FAH: variants seen among roughly 807,000 people sequenced by gnomAD.
FAH encodes fumarylacetoacetase.
In FAH, 47 loss-of-function variants were observed where a neutral mutation model predicts 55.8. The ratio of observed to expected loss-of-function variants is 0.84; its 90% CI spans 0.67 to 1.07. FAH has a LOEUF of 1.07. Among genes scored for constraint, FAH ranks in the 50% least tolerant of loss-of-function variants. The pLI, the probability that FAH is intolerant of heterozygous loss-of-function variation, is 0.00. For synonymous variants in FAH, 199 were observed against 207.7 expected (o/e 0.96, Z 0.36); for missense variants, 495 against 545.9 (o/e 0.91, Z 0.93).
intron 5 of FAH, among the ~76,000 whole-genome samples, chr15:80,167,497 A>G (rs1178036910): frequency 6.7e-6 from 1 of 150,342 alleles, no homozygotes; most frequent in African/African-American, 2.4e-5. Flanking sequence ...GATTACATGT[A>G]TAAAGACTCT....
At chr15:80,158,726 G>A (rs995132631) in intron 2 of FAH, among the ~76,000 whole-genome samples, 7 of 152,068 alleles carry the variant, frequency 4.6e-5, no homozygotes, top group Admixed American at 2.0e-4. Context: ...CAGGAGCTTC[G>A]CACACATCCT....
chr15:80,185,577 A>G (rs1454241043), intron 13 of FAH, among the ~76,000 whole-genome samples: 1 of 152,238 alleles, frequency 6.6e-6, no homozygotes, highest in Non-Finnish European at 1.5e-5. Flanking sequence ...GAGAGGTTTA[A>G]TGGACTCACA....
chr15:80,174,935 G>T lies in FAH; in HGVS notation c.838-81G>T. The T allele has an allele frequency of 3.5e-6, 4 of 1,135,740 alleles. No homozygotes were observed. In the Admixed American group the frequency reaches 6.7e-5, roughly 19 times the overall value. The allele number at this position is 1,135,740 out of a possible 1,614,324, so 70.4% of individuals were successfully genotyped here. On this transcript the variant is annotated intron_variant, in intron 9 of 13. Transcript: ENST00000561421. ...TGCCTAGGGGAGCAGGTGCTGCTGG[G>T]GGCCTGGCTGGTATGGGGGCCCAGC...
chr15:80,174,425 T>G (rs747406912), intron 9 of FAH, among the ~76,000 whole-genome samples: 2 of 152,238 alleles, frequency 1.3e-5, no homozygotes, highest in Non-Finnish European at 2.9e-5. Context: ...GGGAACTTTA[T>G]ATTCCTACTG....
intron 5 of FAH, chr15:80,163,422 T>C (rs2041166276): frequency 6.6e-6 from 1 of 152,284 alleles, no homozygotes; most frequent in African/African-American, 2.4e-5. Context: ...AAGAGCTGGC[T>C]GTCACCTGTG....
chr15:80,179,116 A>G (rs1333231284), intron 11 of FAH, among the ~76,000 whole-genome samples: 1 of 152,180 alleles, frequency 6.6e-6, no homozygotes. Flanking sequence ...AAGTGGTTAT[A>G]CCAGTATATA....
Position 80,177,372 on chromosome 15 carries a change from C to T in FAH, c.914-165C>T, listed in dbSNP as rs541710766. 8.7e-6 allele frequency: 6 copies of T among 687,300 alleles called. No individual in the cohort carries two copies. In the South Asian group the frequency reaches 9.8e-5, roughly 11 times the overall value. 42.6% of individuals were successfully genotyped at this position (687,300 alleles called of 1,614,324 possible). ...GACTTGTGTGCATGTATTGGCCAAC[C>T]CTGGACCTCCCAGCTCTGATGTCCT... On this transcript the variant is annotated intron_variant, in intron 10 of 13. Coordinates refer to ENST00000561421, the MANE Select transcript of FAH (RefSeq NM_000137.4).
At chr15:80,185,632 A>G (rs1206309009) in intron 13 of FAH, among the ~76,000 whole-genome samples, 1 of 152,198 alleles carries the variant, frequency 6.6e-6, no homozygotes, top group Non-Finnish European at 1.5e-5. Context: ...TGGAAGGCAA[A>G]AGGCATGTCT....
chr15:80,158,470 A>G (rs745884610), intron 2 of FAH, among the ~76,000 whole-genome samples: 9 of 152,112 alleles, frequency 5.9e-5, no homozygotes, highest in Non-Finnish European at 1.2e-4. Context: ...AACTCTGGTT[A>G]CTTTTCTTGT....
rs377765480 is a variant in FAH at position 80,180,524 on chromosome 15, T to G, written c.1062+299T>G. On this transcript the variant is annotated intron_variant, in intron 12 of 13. Transcript: ENST00000561421. ...TGATAGTGTCTTGGTTGTCACCATC[T>G]CACACTACACCCTCCCAGGATGAGG... 1.1e-4 allele frequency among the ~76,000 whole-genome samples: 16 copies of G among 152,262 alleles called. 1 individual carries two copies. In the East Asian group the frequency reaches 2.9e-3, roughly 28 times the overall value.
At chr15:80,179,011 T>C (rs1249623145) in intron 11 of FAH, among the ~76,000 whole-genome samples, 4 of 152,236 alleles carry the variant, frequency 2.6e-5, no homozygotes, top group Non-Finnish European at 5.9e-5. Context: ...TGCACATATG[T>C]GCACATTTCT....
chr15:80,162,407 A>G, intron 5 of FAH, 71 bp downstream of exon 5: 1 of 1,319,636 alleles, frequency 7.6e-7, no homozygotes, highest in Non-Finnish European at 1.1e-6. Context: ...TATTTGTCTC[A>G]GGAGCTGCCA....
intron 13 of FAH, among the ~76,000 whole-genome samples, chr15:80,182,952 C>T (rs1053655398): frequency 3.9e-5 from 6 of 152,188 alleles, no homozygotes; most frequent in Admixed American, 2.6e-4. Flanking sequence ...GTGATAAGGG[C>T]CCCTGACTAA....
At chr15:80,154,175 G>A (rs761711322) in intron 1 of FAH, among the ~76,000 whole-genome samples, 1 of 152,208 alleles carries the variant, frequency 6.6e-6, no homozygotes, top group Non-Finnish European at 1.5e-5. Context: ...CACAATCTGA[G>A]GCACATTAAA....
At chr15:80,152,810 CTG>C (rs1333222658), upstream of FAH, 5 of 399,584 alleles carry the variant, frequency 1.3e-5, no homozygotes, top group Non-Finnish European at 2.2e-5. Context: ...GCGGGCGAGA[CTG>C]TGGAGGACCT....
At chr15:80,181,185 C>T (rs770449901) in intron 13 of FAH, 26 bp downstream of exon 13, 19 of 1,503,196 alleles carry the variant, frequency 1.3e-5, no homozygotes, top group East Asian at 6.8e-5. Context: ...CCCAGCAGCT[C>T]GTCTTCCTCC....
intron 6 of FAH, 27 bp from the exon 7 acceptor site, chr15:80,168,237 T>G (rs1365263787): frequency 1.2e-6 from 2 of 1,600,092 alleles, no homozygotes; most frequent in Non-Finnish European, 1.7e-6. Context: ...CAGCACCGTT[T>G]TTTTTTTTTT....
At chr15:80,157,154 C>T (rs916176803) in intron 1 of FAH, 1 of 152,294 alleles carries the variant, frequency 6.6e-6, no homozygotes, top group African/African-American at 2.4e-5. Context: ...AGGGTAGGCT[C>T]TGCTGGGACC....
At chr15:80,184,569 A>G (rs1188208271) in intron 13 of FAH, among the ~76,000 whole-genome samples, 2 of 151,154 alleles carry the variant, frequency 1.3e-5, no homozygotes, top group Non-Finnish European at 2.9e-5. Context: ...TTTTACTTTA[A>G]TAGGCTTTTT....
Sources: gnomAD v4.1 joint callset for allele counts (sites outside exome capture counted in the v4.1 genomes callset) on GRCh38, gnomAD v4.1.1 for gene constraint, MANE v1.5 for transcripts, NCBI Gene and HGNC (gene_info 2026-07-23, HGNC 2026-07-21) for gene names.